Variants in DPY19L1 observed in about 807,000 individuals in gnomAD.
DPY19L1 encodes protein C-mannosyl-transferase DPY19L1.
A neutral mutation model predicts 96.9 loss-of-function variants in DPY19L1; 35 were observed. The ratio of observed to expected loss-of-function variants is 0.36; its 90% CI spans 0.28 to 0.48. The LOEUF (loss-of-function observed/expected upper bound fraction) is 0.48, where lower values mean the gene tolerates loss of function less well. Among genes scored for constraint, DPY19L1 ranks in the 20% least tolerant of loss-of-function variants. The probability of loss-of-function intolerance (pLI) is 0.99; values close to 1 mark genes in which losing one functional copy is unlikely to be tolerated. For missense variants in DPY19L1, 521 were observed against 777.9 expected, an observed-to-expected ratio of 0.67 and a Z score of 3.93; for synonymous variants, 205 against 252.6, an observed-to-expected ratio of 0.81 and a Z score of 1.79.
chr7:34,996,221 T>C (rs2128674017), intron 6 of DPY19L1, among the ~76,000 whole-genome samples: 1 of 152,316 alleles, frequency 6.6e-6, no homozygotes, highest in East Asian at 1.9e-4. Flanking sequence ...CTGCTGGCAT[T>C]CCTTTTTTGA....
intron 1 of DPY19L1, among the ~76,000 whole-genome samples, chr7:35,033,776 G>A (rs1322996060): frequency 6.6e-6 from 1 of 151,972 alleles, no homozygotes; most frequent in African/African-American, 2.4e-5. Context: ...CCTACCATAT[G>A]GGCTTCAAGG....
At chr7:34,966,130 T>C (rs1784603269) in intron 10 of DPY19L1, among the ~76,000 whole-genome samples, 1 of 151,812 alleles carries the variant, frequency 6.6e-6, no homozygotes, top group Non-Finnish European at 1.5e-5. Context: ...CAAGCCACCA[T>C]ACCTGGCCTC....
chr7:34,981,731 A>T (rs1229801478), intron 7 of DPY19L1, among the ~76,000 whole-genome samples: 1 of 152,116 alleles, frequency 6.6e-6, no homozygotes, highest in Non-Finnish European at 1.5e-5. Flanking sequence ...CAGGCAGATC[A>T]CGTGAGGCCA....
chr7:34,981,872 C>T (rs1299843801), intron 7 of DPY19L1, among the ~76,000 whole-genome samples: 1 of 152,098 alleles, frequency 6.6e-6, no homozygotes, highest in Non-Finnish European at 1.5e-5. Context: ...AATCCTTGAA[C>T]CCGGGAGGCA....
chr7:35,027,688 A>AAAAAAAAAAAAAAAAAAAAAAAAG (rs1786160235), intron 1 of DPY19L1, among the ~76,000 whole-genome samples: 2 of 148,704 alleles, frequency 1.3e-5, no homozygotes, highest in Admixed American at 6.7e-5. Context: ...AAAAAAAAAA[A>AAAAAAAAAAAAAAAAAAAAAAAAG]TTAGTTGGGC....
chr7:35,005,197 T>C (rs191494909), intron 6 of DPY19L1, among the ~76,000 whole-genome samples: 4 of 152,118 alleles, frequency 2.6e-5, no homozygotes, highest in Admixed American at 2.0e-4. Context: ...GTAGGAACTC[T>C]GAAGACAGAG....
At chr7:35,007,983 T>A (rs1279302634) in intron 6 of DPY19L1, among the ~76,000 whole-genome samples, 1 of 152,030 alleles carries the variant, frequency 6.6e-6, no homozygotes, top group African/African-American at 2.4e-5. Context: ...CCAATCTGAA[T>A]CCTCCACAAC....
chr7:35,014,067 C>T (rs1785780059), intron 3 of DPY19L1, among the ~76,000 whole-genome samples: 1 of 152,086 alleles, frequency 6.6e-6, no homozygotes, highest in Non-Finnish European at 1.5e-5. Flanking sequence ...TAAAATTTAT[C>T]ATGAACCAAG....
chr7:34,967,988 T>C (rs948598377), intron 9 of DPY19L1, among the ~76,000 whole-genome samples: 3 of 152,118 alleles, frequency 2.0e-5, no homozygotes, highest in Non-Finnish European at 2.9e-5. Flanking sequence ...CCCTGACCCT[T>C]ACCTCCACAA....
intron 7 of DPY19L1, among the ~76,000 whole-genome samples, chr7:34,975,650 C>T (rs1288742477): frequency 6.6e-6 from 1 of 152,166 alleles, no homozygotes; most frequent in African/African-American, 2.4e-5. Context: ...CTAGGACTTT[C>T]CTAGTCAGAG....
At chr7:34,970,953 A>G (rs1298691010) in intron 8 of DPY19L1, among the ~76,000 whole-genome samples, 1 of 152,202 alleles carries the variant, frequency 6.6e-6, no homozygotes, top group Non-Finnish European at 1.5e-5. Context: ...AAAACTGGAC[A>G]AAACCAATTT....
chr7:34,961,143 G>A (rs1330106312), intron 10 of DPY19L1, among the ~76,000 whole-genome samples: 1 of 152,134 alleles, frequency 6.6e-6, no homozygotes, highest in Non-Finnish European at 1.5e-5. Flanking sequence ...TACCAATAAA[G>A]TGATTCTGAA....
chr7:35,037,518 C>G (rs1201668658), upstream of DPY19L1: 1 of 315,252 alleles, frequency 3.2e-6, no homozygotes, highest in African/African-American at 2.2e-5. Flanking sequence ...GGAGGGCGGG[C>G]TCGTCCCTCC....
At chr7:34,938,258 C>CT (rs1783916051) in intron 20 of DPY19L1, 139 bp from the exon 21 acceptor site, 1 of 957,568 alleles carries the variant, frequency 1.0e-6, no homozygotes, top group Admixed American at 2.8e-5. Context: ...GAAGTTCCCG[C>CT]TAAGGGGCAT....
chr7:35,017,501 CAAAAAAAAA>C (rs1161959357), intron 3 of DPY19L1, among the ~76,000 whole-genome samples: 2 of 13,686 alleles, frequency 1.5e-4, no homozygotes, highest in Admixed American at 1.4e-3. Flanking sequence ...GACTCCGTCT[CAAAAAAAAA>C]AAAAAAAAAA....
intron 7 of DPY19L1, among the ~76,000 whole-genome samples, chr7:34,977,374 C>T (rs938064411): frequency 5.9e-5 from 9 of 152,168 alleles, no homozygotes; most frequent in Non-Finnish European, 1.2e-4. Flanking sequence ...TACCCACATT[C>T]AATGACATTA....
Position 34,929,364 on chromosome 7 carries a change from A to G in DPY19L1, c.*2209T>C, listed in dbSNP as rs1045731979. On this transcript the variant is annotated 3_prime_UTR_variant, in exon 22 of 22. Coordinates refer to ENST00000638088, the MANE Select transcript of DPY19L1 (RefSeq NM_001366673.1). ...CTCCAAACTGGCTCCCCTAATATAT[A>G]GCCATATTTTGCTGGGGGTTACATT... 6.6e-6 allele frequency: 1 copy of G among 152,170 alleles called. No homozygotes were observed. The highest frequency in any genetic ancestry group is 6.5e-5 in the Admixed American group (1 of 15,274). 9.4% of individuals were successfully genotyped at this position (152,170 alleles called of 1,614,324 possible). A position where few individuals can be genotyped will look rare whatever the true frequency, so the allele number is the denominator to read the frequency against.
intron 10 of DPY19L1, among the ~76,000 whole-genome samples, chr7:34,963,225 A>G (rs1264860414): frequency 3.5e-4 from 53 of 151,220 alleles, no homozygotes; most frequent in Non-Finnish European, 1.0e-4. Flanking sequence ...AAAATTTGCT[A>G]TAAACCTAAA....
At chr7:35,011,265 A>G in intron 5 of DPY19L1, 65 bp downstream of exon 5, 6 of 1,555,476 alleles carry the variant, frequency 3.9e-6, no homozygotes, top group Non-Finnish European at 5.3e-6. Flanking sequence ...GTGTAAGTTT[A>G]TTATGCTAGA....
Sources: allele counts gnomAD v4.1 joint callset (sites outside exome capture counted in the v4.1 genomes callset), GRCh38; gene constraint gnomAD v4.1.1; transcripts MANE v1.5; gene names NCBI Gene and HGNC (gene_info 2026-07-23, HGNC 2026-07-21).